The following VIPR2 variants were observed in gnomAD, a reference collection of about 807,000 sequenced individuals.
The protein encoded by VIPR2 is vasoactive intestinal polypeptide receptor 2.
In VIPR2, 48 loss-of-function variants were observed where a neutral mutation model predicts 58.0. The ratio of observed to expected loss-of-function variants is 0.83; its 90% confidence interval spans 0.66 to 1.05. VIPR2 has a LOEUF of 1.05. Among genes scored for constraint, VIPR2 ranks in the 50% least tolerant of loss-of-function variants. The pLI is 0.00. For synonymous variants in VIPR2, 243 were observed against 235.2 expected (o/e 1.03, Z -0.30); for missense variants, 534 against 558.0 (o/e 0.96, Z 0.43).
chr7:159,066,239 G>A (rs1164472791), intron 4 of VIPR2, among the ~76,000 whole-genome samples: 2 of 148,150 alleles, frequency 1.3e-5, no homozygotes, highest in Non-Finnish European at 3.0e-5. Flanking sequence ...CCACACCGTC[G>A]GTGGGATTCC....
At chr7:159,035,265 C>T (rs1010801018) in intron 8 of VIPR2, among the ~76,000 whole-genome samples, 2 of 152,190 alleles carry the variant, frequency 1.3e-5, no homozygotes, top group African/African-American at 4.8e-5. Flanking sequence ...GGGCAGGAGC[C>T]TTCAGGCTGG....
chr7:159,097,832 C>T lies in VIPR2; in HGVS notation c.357+5925G>A, dbSNP rs1353533968. Reference sequence around the variant, plus strand: ...CAACAGGGCTTTGTGCAAAGTCACTCAGCCATCGGTGAGTGACAGCTGGGT... The same window carrying T: ...CAACAGGGCTTTGTGCAAAGTCACTTAGCCATCGGTGAGTGACAGCTGGGT... On this transcript the variant is annotated intron_variant, in intron 4 of 12. Coordinates refer to ENST00000262178, the MANE Select transcript of VIPR2 (RefSeq NM_003382.5). The surrounding 1 kb of genome is among the most constrained non-coding windows in gnomAD (Gnocchi z 5.3). 6.6e-6 allele frequency among the ~76,000 whole-genome samples: 1 copy of T among 152,142 alleles called. No individual in the cohort carries two copies. The highest frequency in any genetic ancestry group is 1.5e-5 in the Non-Finnish European group (1 of 68,020).
intron 4 of VIPR2, among the ~76,000 whole-genome samples, chr7:159,062,892 C>T (rs1855791967): frequency 1.3e-5 from 2 of 152,128 alleles, no homozygotes; most frequent in South Asian, 4.1e-4. Flanking sequence ...CTGATTGGTG[C>T]GTTTACAATC....
rs1475108366 is a variant in VIPR2, at chr7:159,128,780, C to T, written c.151+13666G>A. On this transcript the variant is annotated intron_variant, in intron 2 of 12. Transcript: ENST00000262178. This position sits in a 1 kb window ranked among gnomAD's most constrained non-coding sequence, Gnocchi z 4.1. ...AAACACAGCTCACATGCGAACCCCA[C>T]TTCTCAGGAGCCTTCAGTGGTCTCA... 6.6e-6 allele frequency among the ~76,000 whole-genome samples: 1 copy of T among 152,228 alleles called. No individual in the cohort carries two copies. Among genetic ancestry groups the T allele is most frequent in the Non-Finnish European group, 1.5e-5 (1 of 68,044 alleles).
At position 159,127,909 on chromosome 7, in the gene VIPR2, A is replaced by T. The variant is rs1796713702; in HGVS notation, c.151+14537T>A. Among the ~76,000 whole-genome samples, 1 of 152,168 alleles carries T rather than the reference A, an allele frequency of 6.6e-6. No individual in the cohort carries two copies. Among genetic ancestry groups the T allele is most frequent in the Non-Finnish European group, 1.5e-5 (1 of 68,014 alleles). ...GAGAGGGTGAACATTCAAGGCCTCA[A>T]GGCACGGGGAGTCCTGCCGTGCTAT... On this transcript the variant is annotated intron_variant, in intron 2 of 12. Transcript: ENST00000262178. This position sits in a 1 kb window ranked among gnomAD's most constrained non-coding sequence, Gnocchi z 4.6.
At chr7:159,089,862 A>C (rs1857362396) in intron 4 of VIPR2, among the ~76,000 whole-genome samples, 1 of 152,276 alleles carries the variant, frequency 6.6e-6, no homozygotes, top group South Asian at 2.1e-4. Context: ...TGCTGTGATT[A>C]GCAAGGATCA....
Position 159,071,524 on chromosome 7 carries a change from C to T in VIPR2, c.358-12946G>A, listed in dbSNP as rs182270494. Among the ~76,000 whole-genome samples, 106 of 152,316 alleles carry T rather than the reference C, an allele frequency of 7.0e-4. 1 individual carries two copies. The East Asian group carries it at 0.019, about 27-fold the overall frequency. On this transcript the variant is annotated intron_variant, in intron 4 of 12. Coordinates refer to ENST00000262178, the MANE Select transcript of VIPR2 (RefSeq NM_003382.5). ...CTCAGTTGTGCCTGGAGCTCGGACC[C>T]ACAACCCCACCAGCCTCATCCCAAG...
chr7:159,041,834 G>A (rs1854365491), intron 6 of VIPR2, among the ~76,000 whole-genome samples: 1 of 152,144 alleles, frequency 6.6e-6, no homozygotes, highest in South Asian at 2.1e-4. Flanking sequence ...TCTGCAGAGT[G>A]AAGCCTGAAA....
chr7:159,030,835 C>G (rs377221384), intron 12 of VIPR2, 46 bp from the exon 13 acceptor site: 44 of 1,464,702 alleles, frequency 3.0e-5, no homozygotes, highest in Non-Finnish European at 4.0e-5. Context: ...TGGGCAGGTG[C>G]GGGCGGCTGC....
intron 4 of VIPR2, among the ~76,000 whole-genome samples, chr7:159,081,329 C>G (rs1856888432): frequency 6.6e-6 from 1 of 152,208 alleles, no homozygotes; most frequent in South Asian, 2.1e-4. Flanking sequence ...CTACAACTAT[C>G]TGATCTTTGA....
chr7:159,034,727 C>CCTCCCAACTTGCCCA, intron 8 of VIPR2, 77 bp from the exon 9 acceptor site: 1 of 1,228,488 alleles, frequency 8.1e-7, no homozygotes, highest in Non-Finnish European at 1.2e-6. Context: ...AGCGCCTGCC[C>CCTCCCAACTTGCCCA]CTCCCAACTT....
intron 4 of VIPR2, among the ~76,000 whole-genome samples, chr7:159,068,857 A>ATAATTG: frequency 6.6e-6 from 1 of 152,262 alleles, no homozygotes; most frequent in South Asian, 2.1e-4. Context: ...TTGTGATCAG[A>ATAATTG]GTTCAGACTA....
intron 2 of VIPR2, chr7:159,116,993 A>G: frequency 7.0e-6 from 2 of 286,594 alleles, no homozygotes; most frequent in Non-Finnish European, 1.3e-5. Context: ...TTAAATTTCA[A>G]GAGACTCTTA....
In VIPR2 at chr7:159,144,721, G is replaced by A. The variant is rs1050336654; in HGVS notation, c.51C>T (p.Pro17=). Residue 17 remains proline, a splice_region_variant and synonymous_variant, in exon 1 of 13, where the codon CCC becomes CCT. Transcript: ENST00000262178. ...GGGCGGGGGTCGCGGGCGCACTCAC[G>A]GGGGCGAGCAGCCAGCAGGTCAGCA... is the stretch of plus-strand genomic sequence containing the variant. ...PALLTCWLLA[P]VNSIHPECRF... is the part of the protein sequence containing the mutation. 5.3e-6 allele frequency: 7 copies of A among 1,328,276 alleles called. No homozygotes were observed. The highest frequency in any genetic ancestry group is 1.5e-5 in the African/African-American group (1 of 64,750). The allele number at this position is 1,328,276 out of a possible 1,614,324, so 82.3% of individuals were successfully genotyped here.
chr7:159,093,685 G>A lies in VIPR2; in HGVS notation c.357+10072C>T, dbSNP rs1350267173. On this transcript the variant is annotated intron_variant, in intron 4 of 12. Coordinates refer to ENST00000262178, the MANE Select transcript of VIPR2 (RefSeq NM_003382.5). This position sits in a 1 kb window ranked among gnomAD's most constrained non-coding sequence, Gnocchi z 6.7. ...CATGGAAGACCCCACAGCGTCCCTG[G>A]GTTCGGAGATGGGAGACCCCGCAGC... 6.6e-6 allele frequency among the ~76,000 whole-genome samples: 1 copy of A among 151,688 alleles called. No homozygotes were observed. The highest frequency in any genetic ancestry group is 1.5e-5 in the Non-Finnish European group (1 of 67,932).
At chr7:159,061,902 C>G (rs1475157141) in intron 4 of VIPR2, among the ~76,000 whole-genome samples, 1 of 152,112 alleles carries the variant, frequency 6.6e-6, no homozygotes, top group African/African-American at 2.4e-5. Context: ...GCGGGAGAAG[C>G]CTGCCGCTCT....
chr7:159,065,677 G>GAAA (rs1216268278), intron 4 of VIPR2, among the ~76,000 whole-genome samples: 2 of 152,156 alleles, frequency 1.3e-5, no homozygotes, highest in African/African-American at 4.8e-5. Flanking sequence ...CAACACTAAG[G>GAAA]TTTTAGAACT....
chr7:159,079,148 AG>A (rs1563303880), intron 4 of VIPR2, among the ~76,000 whole-genome samples: 1 of 152,228 alleles, frequency 6.6e-6, no homozygotes, highest in Admixed American at 6.5e-5. Flanking sequence ...AAATGCAGGT[AG>A]GGACTGACCT....
intron 10 of VIPR2, among the ~76,000 whole-genome samples, chr7:159,033,319 G>C (rs1468660918): frequency 6.6e-6 from 1 of 152,118 alleles, no homozygotes; most frequent in East Asian, 1.9e-4. Context: ...ATGCAGGCCA[G>C]GCACCCTCCT....
Sources: gnomAD v4.1 joint callset for allele counts (sites outside exome capture counted in the v4.1 genomes callset) on GRCh38, gnomAD v4.1.1 for gene constraint, Gnocchi (gnomAD v3.1) non-coding constraint, MANE v1.5 for transcripts, NCBI Gene and HGNC (gene_info 2026-07-23, HGNC 2026-07-21) for gene names.